PARD3B: variants seen among roughly 807,000 people sequenced by gnomAD.
PARD3B encodes the protein par-3 family cell polarity regulator beta.
A neutral mutation model predicts 130.2 loss-of-function variants in PARD3B; 103 were observed. The observed-to-expected ratio is 0.79, with a 90% CI of 0.67 to 0.93. The LOEUF (loss-of-function observed/expected upper bound fraction) is 0.93. Ranked by LOEUF, PARD3B falls within the 40% of genes least tolerant of loss-of-function variation. PARD3B has a pLI of 0.00. For missense variants in PARD3B, 1,609 were observed against 1,499.2 expected (o/e 1.07, Z -1.21); for synonymous variants, 583 against 553.2 (o/e 1.05, Z -0.76).
chr2:205,032,323 T>C (rs920753058), intron 3 of PARD3B, among the ~76,000 whole-genome samples: 3 of 152,106 alleles, frequency 2.0e-5, no homozygotes, highest in Admixed American at 2.0e-4. Context: ...TACTTTCACA[T>C]GGATTAGATT....
chr2:205,314,907 C>G (rs1054805069), intron 18 of PARD3B, among the ~76,000 whole-genome samples: 24 of 152,148 alleles, frequency 1.6e-4, no homozygotes, highest in African/African-American at 5.8e-4. Context: ...ATGCCTCCCC[C>G]TTCCCATCTC....
intron 20 of PARD3B, among the ~76,000 whole-genome samples, chr2:205,483,828 G>T (rs997311077): frequency 6.6e-6 from 1 of 151,994 alleles, no homozygotes; most frequent in South Asian, 2.1e-4. Context: ...ATTGGAAGGG[G>T]GGAAGCTTCT....
chr2:204,588,717 A>C (rs904099390), intron 1 of PARD3B, among the ~76,000 whole-genome samples: 7 of 152,210 alleles, frequency 4.6e-5, no homozygotes. Context: ...AAATTTTCAG[A>C]AAAATGTATT....
At chr2:205,260,296 C>A (rs1055435290) in intron 16 of PARD3B, among the ~76,000 whole-genome samples, 1 of 152,148 alleles carries the variant, frequency 6.6e-6, no homozygotes, top group African/African-American at 2.4e-5. Context: ...CTATGTGGAA[C>A]TTTCCACTTA....
chr2:205,065,082 G>A (rs576553400), intron 4 of PARD3B, among the ~76,000 whole-genome samples: 4 of 152,250 alleles, frequency 2.6e-5, no homozygotes, highest in Admixed American at 2.6e-4. Context: ...AGTGAATAGA[G>A]GTTATAAAGA....
chr2:205,208,774 C>T (rs1220396800), intron 15 of PARD3B, among the ~76,000 whole-genome samples: 4 of 145,118 alleles, frequency 2.8e-5, no homozygotes, highest in East Asian at 2.0e-4. Context: ...CAATCAATAT[C>T]GTGAAAATGG....
intron 16 of PARD3B, among the ~76,000 whole-genome samples, chr2:205,273,266 G>A (rs1318125265): frequency 6.6e-6 from 1 of 152,170 alleles, no homozygotes; most frequent in African/African-American, 2.4e-5. Flanking sequence ...AGTTACCAAA[G>A]GGTGAATGCC....
intron 2 of PARD3B, among the ~76,000 whole-genome samples, chr2:204,764,370 C>G (rs1227122366): frequency 6.6e-6 from 1 of 152,084 alleles, no homozygotes; most frequent in Non-Finnish European, 1.5e-5. Flanking sequence ...CTGGGCAAAT[C>G]TCCTGTGTAG....
At chr2:204,926,431 C>G (rs925782897) in intron 2 of PARD3B, among the ~76,000 whole-genome samples, 7 of 152,074 alleles carry the variant, frequency 4.6e-5, no homozygotes, top group Non-Finnish European at 1.5e-5. Context: ...AAATTGTTCT[C>G]TGAGGAAAAT....
chr2:205,267,115 G>A (rs568073215), intron 16 of PARD3B, among the ~76,000 whole-genome samples: 2 of 152,054 alleles, frequency 1.3e-5, no homozygotes, highest in South Asian at 2.1e-4. Flanking sequence ...TGCATACTTC[G>A]GATTTATTTT....
At chr2:204,748,594 A>G (rs2040339386) in intron 2 of PARD3B, among the ~76,000 whole-genome samples, 1 of 152,138 alleles carries the variant, frequency 6.6e-6, no homozygotes, top group Non-Finnish European at 1.5e-5. Flanking sequence ...CAAAGTTAGC[A>G]TGCATTTTAA....
chr2:204,882,876 T>G (rs1182331173), intron 2 of PARD3B, among the ~76,000 whole-genome samples: 1 of 152,160 alleles, frequency 6.6e-6, no homozygotes, highest in African/African-American at 2.4e-5. Flanking sequence ...CAAATACCAT[T>G]CAGAATGAGC....
chr2:204,585,621 G>T (rs569189149), intron 1 of PARD3B, among the ~76,000 whole-genome samples: 1 of 151,918 alleles, frequency 6.6e-6, no homozygotes, highest in South Asian at 2.1e-4. Flanking sequence ...TGGGATTACA[G>T]GCATGAGACA....
chr2:205,559,584 T>C (rs1320553388), intron 22 of PARD3B, among the ~76,000 whole-genome samples: 1 of 144,356 alleles, frequency 6.9e-6, no homozygotes, highest in Non-Finnish European at 1.5e-5. Context: ...CTGAAATCAA[T>C]AGAAGTCCAG....
chr2:205,025,712 A>G (rs1418021019), intron 3 of PARD3B, among the ~76,000 whole-genome samples: 2 of 151,552 alleles, frequency 1.3e-5, no homozygotes, highest in Non-Finnish European at 2.9e-5. Flanking sequence ...TACATAAATA[A>G]CCACACGTCT....
chr2:204,827,034 T>C (rs1341940823), intron 2 of PARD3B, among the ~76,000 whole-genome samples: 1 of 152,176 alleles, frequency 6.6e-6, no homozygotes, highest in African/African-American at 2.4e-5. Flanking sequence ...AAAAAAAATC[T>C]ATATTCTCAT....
chr2:205,422,022 A>G (rs149022257), intron 19 of PARD3B, among the ~76,000 whole-genome samples: 1 of 152,244 alleles, frequency 6.6e-6, no homozygotes. Flanking sequence ...CGCTGCTTCC[A>G]TGAAGATTCC....
At chr2:204,599,800 A>G (rs1376665338) in intron 1 of PARD3B, among the ~76,000 whole-genome samples, 1 of 151,772 alleles carries the variant, frequency 6.6e-6, no homozygotes, top group Non-Finnish European at 1.5e-5. Context: ...TTCCATTTCC[A>G]CCAACAGTGT....
At chr2:204,981,085 C>A (rs1692626322) in intron 3 of PARD3B, among the ~76,000 whole-genome samples, 1 of 152,054 alleles carries the variant, frequency 6.6e-6, no homozygotes, top group Admixed American at 6.5e-5. Context: ...TCAGAAATTA[C>A]TAAAATGAAA....
Sources: gnomAD v4.1 joint callset for allele counts (sites outside exome capture counted in the v4.1 genomes callset) on GRCh38, gnomAD v4.1.1 for gene constraint, MANE v1.5 for transcripts, NCBI Gene and HGNC (gene_info 2026-07-23, HGNC 2026-07-21) for gene names.